The following GAPVD1 variants were observed in gnomAD, a reference collection of about 807,000 sequenced individuals.
The protein encoded by GAPVD1 is GTPase-activating protein and VPS9 domain-containing protein 1.
In GAPVD1, 35 loss-of-function variants were observed where a neutral mutation model predicts 155.5. The ratio of observed to expected loss-of-function variants is 0.23; its 90% CI spans 0.17 to 0.30. The LOEUF (loss-of-function observed/expected upper bound fraction) is 0.30. GAPVD1 is among the 10% of genes least tolerant of loss of function. GAPVD1 has a pLI of 1.00. For missense variants in GAPVD1, 1,429 were observed against 1,775.7 expected (o/e 0.80, Z 3.51); for synonymous variants, 636 against 619.7 (o/e 1.03, Z -0.39).
chr9:125,277,389 C>A (rs1835956430), intron 2 of GAPVD1, among the ~76,000 whole-genome samples: 1 of 152,128 alleles, frequency 6.6e-6, no homozygotes, highest in Non-Finnish European at 1.5e-5. Flanking sequence ...TTGAGCTACA[C>A]CCTGATACCT....
intron 2 of GAPVD1, among the ~76,000 whole-genome samples, chr9:125,278,118 G>A (rs573065107): frequency 5.3e-5 from 8 of 152,296 alleles, no homozygotes; most frequent in Non-Finnish European, 8.8e-5. Flanking sequence ...AGAAGTAAAT[G>A]TAAATAAATC....
At chr9:125,331,027 T>C (rs1010602753) in intron 13 of GAPVD1, among the ~76,000 whole-genome samples, 2 of 151,922 alleles carry the variant, frequency 1.3e-5, no homozygotes, top group African/African-American at 4.8e-5. Context: ...ATATAAAGTG[T>C]TTTGTACTTT....
chr9:125,273,241 T>C (rs994667201), intron 2 of GAPVD1, among the ~76,000 whole-genome samples: 1 of 152,236 alleles, frequency 6.6e-6, no homozygotes, highest in Non-Finnish European at 1.5e-5. Flanking sequence ...ATTGGTTGGA[T>C]ACTTCTATGT....
At chr9:125,268,540 T>C (rs1834362133) in intron 1 of GAPVD1, among the ~76,000 whole-genome samples, 2 of 145,204 alleles carry the variant, frequency 1.4e-5, no homozygotes, top group Admixed American at 7.0e-5. Flanking sequence ...TGGTCTGTCA[T>C]GCAGGCTGGA....
At chr9:125,278,232 C>T (rs932184416) in intron 2 of GAPVD1, among the ~76,000 whole-genome samples, 3 of 152,156 alleles carry the variant, frequency 2.0e-5, no homozygotes, top group Non-Finnish European at 4.4e-5. Flanking sequence ...TTAAAATGCT[C>T]ACATTAGGCT....
Position 125,354,701 on chromosome 9 carries a change from T to A in GAPVD1, c.3617T>A (p.Leu1206Gln). ...IAYLTRCRQG[L>Q]QTTQAHLERL... ...TATCTCACTCGTTGTCGACAAGGAC[T>A]ACAGACCACACAGGCTCACCTGGAA... The change falls in exon 24 of 28, where the codon CTA (leucine) becomes CAA (glutamine). Residue 1206 changes from leucine (L) to glutamine (Q), a missense_variant. By Grantham distance (113) the Leu-to-Gln change is moderately radical. This residue lies in a region of GAPVD1 where 699 missense variants were observed against 826.0 expected (regional missense o/e 0.85). Transcript: ENST00000297933. 2 of 1,613,816 alleles carry A rather than the reference T, an allele frequency of 1.2e-6. No individual in the cohort carries two copies. The highest frequency in any genetic ancestry group is 2.2e-5 in the East Asian group (1 of 44,890).
intron 3 of GAPVD1, among the ~76,000 whole-genome samples, chr9:125,296,937 G>A (rs758011944): frequency 5.3e-5 from 8 of 152,142 alleles, no homozygotes; most frequent in Non-Finnish European, 8.8e-5. Context: ...TAGGATTACA[G>A]GTGTGAGCCA....
At chr9:125,330,300 A>T in intron 13 of GAPVD1, 82 bp downstream of exon 13, 3 of 835,664 alleles carry the variant, frequency 3.6e-6, no homozygotes, top group Non-Finnish European at 3.5e-6. Flanking sequence ...TGTATTATGT[A>T]TATTTTGTCA....
At chr9:125,319,651 G>T (rs1843995820) in intron 9 of GAPVD1, among the ~76,000 whole-genome samples, 1 of 150,654 alleles carries the variant, frequency 6.6e-6, no homozygotes, top group Non-Finnish European at 1.5e-5. Flanking sequence ...ACCCAGGCTG[G>T]AGTGCAGTGG....
chr9:125,358,646 A>G (rs1016695498), intron 25 of GAPVD1, among the ~76,000 whole-genome samples: 3 of 152,144 alleles, frequency 2.0e-5, no homozygotes, highest in Non-Finnish European at 4.4e-5. Flanking sequence ...GATCCTTCCA[A>G]TCTGCCTTCC....
intron 12 of GAPVD1, 132 bp from the exon 13 acceptor site, chr9:125,329,946 T>C: frequency 1.6e-6 from 1 of 623,452 alleles, no homozygotes; most frequent in Non-Finnish European, 2.8e-6. Context: ...CCTCCCAAAG[T>C]GCTGGGATTA....
intron 11 of GAPVD1, among the ~76,000 whole-genome samples, chr9:125,324,918 T>A (rs193025596): frequency 1.3e-5 from 2 of 152,030 alleles, no homozygotes; most frequent in African/African-American, 4.8e-5. Context: ...GTTTTTTGGA[T>A]TTGTTCATTT....
intron 23 of GAPVD1, among the ~76,000 whole-genome samples, chr9:125,352,675 G>T (rs1197332378): frequency 6.6e-6 from 1 of 152,210 alleles, no homozygotes; most frequent in Non-Finnish European, 1.5e-5. Flanking sequence ...CATTGTCTTG[G>T]GAATTAATAT....
intron 1 of GAPVD1, among the ~76,000 whole-genome samples, chr9:125,266,196 G>A (rs977697563): frequency 3.5e-4 from 53 of 150,846 alleles, no homozygotes; most frequent in African/African-American, 1.1e-3. Flanking sequence ...GCGCGATCTC[G>A]GCTCACTGCA....
chr9:125,365,358 T>TC lies in GAPVD1; in HGVS notation c.*2616dup. On this transcript the variant is annotated 3_prime_UTR_variant, in exon 28 of 28. Transcript: ENST00000297933. ...TTTAATAGAAAAGAGGAATAGTTGT[T>TC]CCCCAAATGTTTCTTCCTCCACTGC... 1 of 152,042 alleles carries TC rather than the reference T, an allele frequency of 6.6e-6. No homozygotes were observed. The highest frequency in any genetic ancestry group is 1.9e-4 in the East Asian group (1 of 5,176). The allele number at this position is 152,042 out of a possible 1,614,324, so 9.4% of individuals were successfully genotyped here. A position where few individuals can be genotyped will look rare whatever the true frequency, so the allele number is the denominator to read the frequency against.
chr9:125,317,349 C>T (rs530085949), intron 9 of GAPVD1, among the ~76,000 whole-genome samples: 1 of 150,220 alleles, frequency 6.7e-6, no homozygotes, highest in Admixed American at 6.6e-5. Context: ...CCTTGATGGC[C>T]GGGCGGTGGC....
Position 125,323,792 on chromosome 9 carries a change from C to T in GAPVD1, c.1733-6C>T. 11 of 1,613,534 alleles carry T rather than the reference C, an allele frequency of 6.8e-6. No homozygotes were observed. Among genetic ancestry groups the T allele is most frequent in the Non-Finnish European group, 9.3e-6 (11 of 1,179,588 alleles). On this transcript the variant is annotated splice_region_variant and splice_polypyrimidine_tract_variant and intron_variant, in intron 10 of 27. Transcript: ENST00000297933. Reference sequence around the variant, plus strand: ...AAGATTGCTCACACTATAAACATTTCTCTAGGTCCTTCAAATCGCTCCAAT... The same window carrying T: ...AAGATTGCTCACACTATAAACATTTTTCTAGGTCCTTCAAATCGCTCCAAT...
intron 2 of GAPVD1, among the ~76,000 whole-genome samples, chr9:125,280,325 G>A (rs1836561682): frequency 6.8e-6 from 1 of 147,578 alleles, no homozygotes; most frequent in Admixed American, 6.8e-5. Flanking sequence ...GAACCCAGGA[G>A]GCGGAGGTTG....
At chr9:125,300,159 A>G (rs1247692545) in intron 4 of GAPVD1, among the ~76,000 whole-genome samples, 4 of 134,552 alleles carry the variant, frequency 3.0e-5, no homozygotes, top group Non-Finnish European at 6.3e-5. Flanking sequence ...TTATTGTCTT[A>G]ATACCTACGA....
Sources: gnomAD v4.1 joint callset for allele counts (sites outside exome capture counted in the v4.1 genomes callset) on GRCh38, gnomAD v4.1.1 for gene constraint, gnomAD v4.1.1 regional missense constraint, MANE v1.5 for transcripts, NCBI Gene and HGNC (gene_info 2026-07-23, HGNC 2026-07-21) for gene names.